Variants in EPHA5 observed in about 807,000 individuals in gnomAD.
EPHA5 encodes the protein EPH receptor A5.
In EPHA5, 60 loss-of-function variants were observed where a neutral mutation model predicts 105.0. The observed-to-expected ratio is 0.57, with a 90% confidence interval of 0.46 to 0.71. The LOEUF (loss-of-function observed/expected upper bound fraction) is 0.71, where lower values mean the gene tolerates loss of function less well. EPHA5 is among the 30% of genes least tolerant of loss of function. EPHA5 has a pLI of 0.00. For missense variants in EPHA5, 1,218 were observed against 1,274.7 expected, an observed-to-expected ratio of 0.96 and a Z score of 0.68; for synonymous variants, 513 against 449.1, an observed-to-expected ratio of 1.14 and a Z score of -1.80.
At chr4:65,504,702 C>A (rs1170466565) in intron 3 of EPHA5, among the ~76,000 whole-genome samples, 2 of 151,806 alleles carry the variant, frequency 1.3e-5, no homozygotes, top group African/African-American at 2.4e-5. Flanking sequence ...TTTTTGACTG[C>A]AGACTATCGT....
At chr4:65,364,043 G>T (rs947304489) in intron 11 of EPHA5, among the ~76,000 whole-genome samples, 2 of 151,364 alleles carry the variant, frequency 1.3e-5, no homozygotes, top group Admixed American at 6.6e-5. Context: ...AAGACCTCAG[G>T]ATTGCCTTCT....
intron 3 of EPHA5, among the ~76,000 whole-genome samples, chr4:65,570,267 A>G (rs1195837860): frequency 6.6e-6 from 1 of 151,922 alleles, no homozygotes; most frequent in Non-Finnish European, 1.5e-5. Context: ...TAATCCAGAA[A>G]GCTTTAAAAT....
chr4:65,653,607 A>T (rs958242892), intron 1 of EPHA5, among the ~76,000 whole-genome samples: 5 of 152,086 alleles, frequency 3.3e-5, no homozygotes, highest in African/African-American at 7.2e-5. Context: ...TCTTAACTGT[A>T]TAAAATTGTT....
At chr4:65,499,213 C>T (rs1397906525) in intron 3 of EPHA5, among the ~76,000 whole-genome samples, 1 of 151,542 alleles carries the variant, frequency 6.6e-6, no homozygotes, top group Admixed American at 6.6e-5. Flanking sequence ...TCATGGTACC[C>T]ATCTTCTCTA....
chr4:65,630,927 T>C (rs1170169793), intron 2 of EPHA5, among the ~76,000 whole-genome samples: 1 of 152,182 alleles, frequency 6.6e-6, no homozygotes, highest in African/African-American at 2.4e-5. Context: ...CCTGTAAGGA[T>C]AATATTTTAT....
At chr4:65,387,762 G>C (rs1272648293) in intron 8 of EPHA5, among the ~76,000 whole-genome samples, 5 of 151,752 alleles carry the variant, frequency 3.3e-5, no homozygotes, top group Non-Finnish European at 7.4e-5. Flanking sequence ...TACAAATGTA[G>C]AATACTGGTT....
At chr4:65,469,690 T>C (rs1383806676) in intron 5 of EPHA5, among the ~76,000 whole-genome samples, 1 of 152,158 alleles carries the variant, frequency 6.6e-6, no homozygotes, top group Non-Finnish European at 1.5e-5. Flanking sequence ...AAAAATTAGA[T>C]ATTTCTGTAA....
At chr4:65,517,646 G>A (rs1330844964) in intron 3 of EPHA5, among the ~76,000 whole-genome samples, 1 of 151,506 alleles carries the variant, frequency 6.6e-6, no homozygotes, top group Non-Finnish European at 1.5e-5. Context: ...TTCATATTCA[G>A]CTTTAATCTT....
At chr4:65,644,406 A>G (rs1747941727) in intron 1 of EPHA5, among the ~76,000 whole-genome samples, 2 of 152,162 alleles carry the variant, frequency 1.3e-5, no homozygotes, top group East Asian at 1.9e-4. Flanking sequence ...GTGCAACAGA[A>G]CAACTTTGAA....
chr4:65,436,401 C>A (rs1725486275), intron 5 of EPHA5, among the ~76,000 whole-genome samples: 1 of 151,844 alleles, frequency 6.6e-6, no homozygotes, highest in Non-Finnish European at 1.5e-5. Context: ...TTCACAATTT[C>A]TCGAGACACT....
At chr4:65,534,661 C>T (rs1430400097) in intron 3 of EPHA5, among the ~76,000 whole-genome samples, 1 of 152,132 alleles carries the variant, frequency 6.6e-6, no homozygotes, top group Non-Finnish European at 1.5e-5. Context: ...CAATTTTCTG[C>T]AAAGATCTGA....
intron 16 of EPHA5, among the ~76,000 whole-genome samples, chr4:65,328,531 T>C (rs1720297075): frequency 6.6e-6 from 1 of 151,222 alleles, no homozygotes; most frequent in Non-Finnish European, 1.5e-5. Flanking sequence ...CACTGGTACT[T>C]AGCCCCAACC....
intron 3 of EPHA5, among the ~76,000 whole-genome samples, chr4:65,537,424 T>C (rs1014989339): frequency 2.6e-5 from 4 of 151,828 alleles, no homozygotes; most frequent in African/African-American, 9.7e-5. Context: ...TCCCTGCCAC[T>C]GTAGCAAAAC....
chr4:65,515,702 T>G (rs1734043988), intron 3 of EPHA5, among the ~76,000 whole-genome samples: 1 of 152,140 alleles, frequency 6.6e-6, no homozygotes, highest in Non-Finnish European at 1.5e-5. Flanking sequence ...ATGGTTAATT[T>G]TACTTGTCAA....
chr4:65,405,836 C>T (rs1722303768), intron 7 of EPHA5, among the ~76,000 whole-genome samples: 1 of 151,998 alleles, frequency 6.6e-6, no homozygotes, highest in Admixed American at 6.6e-5. Flanking sequence ...TACCCTTTCC[C>T]CAAGGTCTGC....
At chr4:65,457,667 A>G (rs936982027) in intron 5 of EPHA5, among the ~76,000 whole-genome samples, 11 of 152,062 alleles carry the variant, frequency 7.2e-5, no homozygotes, top group Admixed American at 2.6e-4. Context: ...TTTTTGGTCA[A>G]TGAAGAGTCG....
intron 2 of EPHA5, among the ~76,000 whole-genome samples, chr4:65,609,291 T>C (rs1316371428): frequency 6.6e-6 from 1 of 152,130 alleles, no homozygotes; most frequent in African/African-American, 2.4e-5. Flanking sequence ...AATATTATGT[T>C]AGTGGGAAAA....
rs1424809543 is a variant in EPHA5, at chr4:65,669,774, C to G, written c.-32G>C. On this transcript the variant is annotated 5_prime_UTR_variant, in exon 1 of 17. Coordinates refer to ENST00000613740, the MANE Select transcript of EPHA5 (RefSeq NM_001281766.3). ...CGAGCCTCCTCCGGTGCCGCTGTCC[C>G]GAGCGGCTCAGTCCACCGCTTCGGC... is the stretch of plus-strand genomic sequence containing the variant. The G allele has an allele frequency of 7.2e-6, 9 of 1,247,088 alleles. No individual in the cohort carries two copies. The highest frequency in any genetic ancestry group is 3.2e-5 in the East Asian group (1 of 31,704). The allele number at this position is 1,247,088 out of a possible 1,614,324, so 77.3% of individuals were successfully genotyped here.
intron 2 of EPHA5, among the ~76,000 whole-genome samples, chr4:65,606,446 T>C (rs1230899224): frequency 6.6e-6 from 1 of 152,232 alleles, no homozygotes; most frequent in Non-Finnish European, 1.5e-5. Context: ...TTTTCTTCTC[T>C]GTAAATCGTC....
Sources: allele counts gnomAD v4.1 joint callset (sites outside exome capture counted in the v4.1 genomes callset), GRCh38; gene constraint gnomAD v4.1.1; transcripts MANE v1.5; gene names NCBI Gene and HGNC (gene_info 2026-07-23, HGNC 2026-07-21).